DNMT3A: variants seen among roughly 807,000 people sequenced by gnomAD.
The protein encoded by DNMT3A is DNA (cytosine-5)-methyltransferase 3A.
DNMT3A carries 267 observed loss-of-function variants against 117.6 expected under a neutral mutation model. The ratio of observed to expected loss-of-function variants is 2.27; its 90% CI spans 2.05 to 2.51. The LOEUF (loss-of-function observed/expected upper bound fraction) is 2.51. Among genes scored for constraint, DNMT3A ranks in the 30% most tolerant of loss-of-function variants. DNMT3A has a pLI of 0.00. For missense variants in DNMT3A, 1,029 were observed against 1,260.2 expected, an observed-to-expected ratio of 0.82 and a Z score of 2.78; for synonymous variants, 432 against 474.8, an observed-to-expected ratio of 0.91 and a Z score of 1.17.
At chr2:25,325,801 ACCC>A (rs2034764345) in intron 1 of DNMT3A, among the ~76,000 whole-genome samples, 4 of 152,230 alleles carry the variant, frequency 2.6e-5, no homozygotes, top group Non-Finnish European at 5.9e-5. Context: ...TGTGTCTGGA[ACCC>A]AGCGAATTCT....
intron 1 of DNMT3A, among the ~76,000 whole-genome samples, chr2:25,329,828 C>T (rs965648050): frequency 2.6e-5 from 4 of 152,204 alleles, no homozygotes; most frequent in Admixed American, 1.3e-4. Flanking sequence ...ATGCTGCACA[C>T]GCTGGGGCAC....
In DNMT3A at chr2:25,228,201, A is replaced by AC. The variant is rs1457864875; in HGVS notation, c.*6077_*6078insG. Reference sequence around the variant, plus strand: ...TGTCAATAAATAGAGAAGCAACCCTAAAAAAAAAAAAAAAAAAAAAAAAAA... The same window carrying AC: ...TGTCAATAAATAGAGAAGCAACCCTACAAAAAAAAAAAAAAAAAAAAAAAAA... On this transcript the variant is annotated 3_prime_UTR_variant, in exon 23 of 23. Transcript: ENST00000321117. The AC allele has an allele frequency of 1.1e-4, 7 of 66,254 alleles. No homozygotes were observed. Among genetic ancestry groups the AC allele is most frequent in the African/African-American group, 4.3e-4 (7 of 16,284 alleles). 4.1% of individuals were successfully genotyped at this position (66,254 alleles called of 1,614,324 possible).
intron 2 of DNMT3A, among the ~76,000 whole-genome samples, chr2:25,310,074 A>G (rs989139337): frequency 6.6e-5 from 10 of 152,126 alleles, no homozygotes; most frequent in Non-Finnish European, 1.3e-4. Flanking sequence ...AAAGAATGGA[A>G]TAAGATAATG....
At chr2:25,272,238 C>T (rs1458727479) in intron 6 of DNMT3A, among the ~76,000 whole-genome samples, 4 of 152,228 alleles carry the variant, frequency 2.6e-5, no homozygotes, top group Non-Finnish European at 4.4e-5. Flanking sequence ...CCACCCGCCT[C>T]GGCCTCCCGA....
At position 25,281,476 on chromosome 2, in the gene DNMT3A, A is replaced by C; in HGVS notation, c.448+965T>G. The C allele has an allele frequency of 9.5e-7, 1 of 1,051,576 alleles. No individual in the cohort carries two copies. Among genetic ancestry groups the C allele is most frequent in the Non-Finnish European group, 1.1e-6 (1 of 870,600 alleles). 65.1% of individuals were successfully genotyped at this position (1,051,576 alleles called of 1,614,324 possible). A position where few individuals can be genotyped will look rare whatever the true frequency, so the allele number is the denominator to read the frequency against. ...ATAAGTTTGGAAATTTGTATTCTGGAAATGTTCTCTATCCTGCATGAACAT... is the reference window on the plus strand; with the variant it reads ...ATAAGTTTGGAAATTTGTATTCTGGCAATGTTCTCTATCCTGCATGAACAT... On this transcript the variant is annotated intron_variant, in intron 4 of 22. Transcript: ENST00000321117. The surrounding 1 kb of genome is among the most constrained non-coding windows in gnomAD (Gnocchi z 4.8).
Position 25,237,045 on chromosome 2 carries a change from AT to A in DNMT3A, c.2409-41del. The A allele has an allele frequency of 6.2e-7, 1 of 1,607,576 alleles. No individual in the cohort carries two copies. The highest frequency in any genetic ancestry group is 8.5e-7 in the Non-Finnish European group (1 of 1,176,486). The stretch of plus-strand genomic sequence containing the variant: ...AGAGACTGTAACAACAGAAACCTGG[AT>A]AACAGCGGGAAGGGCCCCAGCTGCA... On this transcript the variant is annotated intron_variant, in intron 20 of 22. Transcript: ENST00000321117. The surrounding 1 kb of genome is among the most constrained non-coding windows in gnomAD (Gnocchi z 5.4).
In DNMT3A at chr2:25,311,078, A is replaced by C. The variant is rs1044880873; in HGVS notation, c.72+2835T>G. Among the ~76,000 whole-genome samples the C allele has an allele frequency of 7.2e-4, 93 of 129,804 alleles. No individual in the cohort carries two copies. The highest frequency in any genetic ancestry group is 2.5e-3 in the African/African-American group (89 of 34,992). The allele number at this position is 129,804 out of a possible 152,430, so 85.2% of individuals were successfully genotyped here. Reference sequence around the variant, plus strand: ...AAACAAAGACCTGGAGACTCCAGGAAGTATGGGAGTGGGGCTGGAGTGAAA... The same window carrying C: ...AAACAAAGACCTGGAGACTCCAGGACGTATGGGAGTGGGGCTGGAGTGAAA... On this transcript the variant is annotated intron_variant, in intron 2 of 22. Transcript: ENST00000321117. This position sits in a 1 kb window ranked among gnomAD's most constrained non-coding sequence, Gnocchi z 5.2.
Position 25,244,545 on chromosome 2 carries a change from GCAGT to G in DNMT3A, c.1658_1661del (p.Asn553ThrfsTer97). On this transcript the variant is annotated frameshift_variant, in exon 14 of 23. Coordinates refer to ENST00000321117, the MANE Select transcript of DNMT3A (RefSeq NM_022552.5). LOFTEE classifies it high-confidence loss of function. ...GGAGGCCACAACAGCCTCACCTGCAGCAGTTGTTGTTTCCGCACATGAGCACCTC... is the reference window on the plus strand; with the variant it reads ...GGAGGCCACAACAGCCTCACCTGCAGTGTTGTTTCCGCACATGAGCACCTC... 1 of 1,614,178 alleles carries G rather than the reference GCAGT, an allele frequency of 6.2e-7. No homozygotes were observed. The highest frequency in any genetic ancestry group is 8.5e-7 in the Non-Finnish European group (1 of 1,179,996).
chr2:25,241,988 A>C, intron 16 of DNMT3A: 1 of 445,868 alleles, frequency 2.2e-6, no homozygotes. Context: ...AGGAAGAATC[A>C]CAGCTGACTT....
At chr2:25,291,155 G>A (rs970436303) in intron 3 of DNMT3A, among the ~76,000 whole-genome samples, 2 of 152,278 alleles carry the variant, frequency 1.3e-5, no homozygotes, top group African/African-American at 2.4e-5. Context: ...CACTCCCACC[G>A]CAACTCCTCG....
intron 6 of DNMT3A, chr2:25,249,795 A>C: frequency 6.4e-7 from 1 of 1,561,198 alleles, no homozygotes; most frequent in South Asian, 1.1e-5. Context: ...TCTAGGAAAC[A>C]CGGCCCTCTG....
intron 2 of DNMT3A, among the ~76,000 whole-genome samples, chr2:25,302,339 C>A (rs752190772): frequency 1.3e-5 from 2 of 152,076 alleles, no homozygotes; most frequent in African/African-American, 4.8e-5. Flanking sequence ...GAATGGCTGA[C>A]CTTCAAGAGC....
At position 25,237,348 on chromosome 2, in the gene DNMT3A, G is replaced by A. The variant is rs772537336; in HGVS notation, c.2409-343C>T. 4.9e-4 allele frequency among the ~76,000 whole-genome samples: 75 copies of A among 152,216 alleles called. No homozygotes were observed. Among genetic ancestry groups the A allele is most frequent in the Non-Finnish European group, 7.6e-4 (52 of 68,038 alleles). On this transcript the variant is annotated intron_variant, in intron 20 of 22. Coordinates refer to ENST00000321117, the MANE Select transcript of DNMT3A (RefSeq NM_022552.5). The surrounding 1 kb of genome is among the most constrained non-coding windows in gnomAD (Gnocchi z 5.4). ...GTCTAAAATACACTGAGCTTTAAGC[G>A]TCCCACTGCGAAGCAAGCTTTGGGG...
Position 25,234,523 on chromosome 2 carries a change from C to T in DNMT3A, c.2598-103G>A, listed in dbSNP as rs895861773. The T allele has an allele frequency of 8.7e-6, 12 of 1,381,320 alleles. No homozygotes were observed. Among genetic ancestry groups the T allele is most frequent in the Admixed American group, 2.5e-5 (1 of 39,352 alleles). The allele number at this position is 1,381,320 out of a possible 1,614,324, so 85.6% of individuals were successfully genotyped here. A position where few individuals can be genotyped will look rare whatever the true frequency, so the allele number is the denominator to read the frequency against. On this transcript the variant is annotated intron_variant, in intron 22 of 22. Transcript: ENST00000321117. The surrounding 1 kb of genome is among the most constrained non-coding windows in gnomAD (Gnocchi z 4.5). ...AGGACCCGGAGGACCAGCAGCCACCCGAAGTGCAGGGACAGGGGCACTCAC... is the reference window on the plus strand; with the variant it reads ...AGGACCCGGAGGACCAGCAGCCACCTGAAGTGCAGGGACAGGGGCACTCAC...
In DNMT3A at chr2:25,246,154, A is replaced by G. The variant is rs1231711225; in HGVS notation, c.1429+6T>C. ...GTGCCACCCTCTCCAGAAGCAGGCC[A>G]ACTACCTCTTGTGCGCTCATCAATA... On this transcript the variant is annotated splice_donor_region_variant and intron_variant, in intron 11 of 22. Coordinates refer to ENST00000321117, the MANE Select transcript of DNMT3A (RefSeq NM_022552.5). The G allele has an allele frequency of 1.2e-6, 2 of 1,614,080 alleles. No homozygotes were observed. Among genetic ancestry groups the G allele is most frequent in the Non-Finnish European group, 8.5e-7 (1 of 1,179,936 alleles).
At position 25,311,003 on chromosome 2, in the gene DNMT3A, GGGA is replaced by G. The variant is rs1289715691; in HGVS notation, c.72+2907_72+2909del. ...AGCCTGGGCTTTGAGGCTTTGACCA[GGGA>G]GGAGAAGAGATTAGGGAAAGGGCCC... On this transcript the variant is annotated intron_variant, in intron 2 of 22. Coordinates refer to ENST00000321117, the MANE Select transcript of DNMT3A (RefSeq NM_022552.5). The surrounding 1 kb of genome is among the most constrained non-coding windows in gnomAD (Gnocchi z 5.2). Among the ~76,000 whole-genome samples, 5 of 152,194 alleles carry G rather than the reference GGGA, an allele frequency of 3.3e-5. No individual in the cohort carries two copies. The highest frequency in any genetic ancestry group is 7.3e-5 in the Non-Finnish European group (5 of 68,036).
chr2:25,294,218 G>A lies in DNMT3A; in HGVS notation c.177+5921C>T, dbSNP rs2032951255. The stretch of plus-strand genomic sequence containing the variant: ...TCCCTGGCTTCCCCGGCATCCTTAG[G>A]AGTCCCACTGCACTTAAGTCCCCAC... On this transcript the variant is annotated intron_variant, in intron 3 of 22. Transcript: ENST00000321117. This position sits in a 1 kb window ranked among gnomAD's most constrained non-coding sequence, Gnocchi z 4.7. 6.6e-6 allele frequency among the ~76,000 whole-genome samples: 1 copy of A among 152,102 alleles called. No individual in the cohort carries two copies. Among genetic ancestry groups the A allele is most frequent in the Non-Finnish European group, 1.5e-5 (1 of 68,020 alleles).
chr2:25,341,696 G>T, intron 1 of DNMT3A, 130 bp downstream of exon 1: 2 of 655,356 alleles, frequency 3.1e-6, no homozygotes, highest in South Asian at 6.7e-5. Context: ...GGCGCCCGGC[G>T]CCGAGTTGCA....
At chr2:25,314,195 G>A in intron 1 of DNMT3A, 34 bp from the exon 2 acceptor site, 1 of 1,408,522 alleles carries the variant, frequency 7.1e-7, no homozygotes, top group Non-Finnish European at 9.2e-7. Flanking sequence ...GTGGGGCGGA[G>A]CACCCCACCC....
Sources: allele counts gnomAD v4.1 joint callset (sites outside exome capture counted in the v4.1 genomes callset), GRCh38; gene constraint gnomAD v4.1.1; non-coding constraint Gnocchi (gnomAD v3.1); transcripts MANE v1.5; gene names NCBI Gene and HGNC (gene_info 2026-07-23, HGNC 2026-07-21).